Variants in EBF1 observed in about 807,000 individuals in gnomAD.
The protein encoded by EBF1 is EBF transcription factor 1, also known as transcription factor COE1.
A neutral mutation model predicts 68.4 loss-of-function variants in EBF1; 10 were observed. The observed-to-expected ratio is 0.15, with a 90% CI of 0.09 to 0.25. EBF1 has a LOEUF of 0.25. Ranked by LOEUF, EBF1 falls within the 10% of genes least tolerant of loss-of-function variation. The pLI, the probability that EBF1 is intolerant of heterozygous loss-of-function variation, is 1.00. For synonymous variants in EBF1, 298 were observed against 299.8 expected (o/e 0.99, Z 0.06); for missense variants, 509 against 794.4 (o/e 0.64, Z 4.32).
Position 159,050,191 on chromosome 5 carries a change from T to TCCTCTCCTCC in EBF1, c.554+23204_554+23205insGGAGGAGAGG, listed in dbSNP as rs1561886618. On this transcript the variant is annotated intron_variant, in intron 6 of 15. Coordinates refer to ENST00000313708, the MANE Select transcript of EBF1 (RefSeq NM_024007.5). Reference sequence around the variant, plus strand: ...CTCTCTCTCTCTCTCTTCTCTCTTTTCTCTCTCTCTCCTCTCCTCCCTCTC... The same window carrying TCCTCTCCTCC: ...CTCTCTCTCTCTCTCTTCTCTCTTTTCCTCTCCTCCCTCTCTCTCTCCTCTCCTCCCTCTC... 2.1e-3 allele frequency among the ~76,000 whole-genome samples: 300 copies of TCCTCTCCTCC among 146,052 alleles called. 1 individual carries two copies. Among genetic ancestry groups the TCCTCTCCTCC allele is most frequent in the African/African-American group, 5.3e-3 (202 of 38,338 alleles).
intron 10 of EBF1, among the ~76,000 whole-genome samples, chr5:158,771,546 G>T (rs1398032914): frequency 6.6e-6 from 1 of 152,092 alleles, no homozygotes; most frequent in Non-Finnish European, 1.5e-5. Context: ...CAAGTAAAAT[G>T]CTGAGCCAAA....
intron 4 of EBF1, among the ~76,000 whole-genome samples, chr5:159,085,199 G>C (rs1407037540): frequency 1.3e-5 from 2 of 152,192 alleles, no homozygotes; most frequent in Non-Finnish European, 2.9e-5. Context: ...TAGAAAACAA[G>C]TGTAGGTGAA....
At chr5:158,709,303 C>G (rs1758617496) in intron 14 of EBF1, among the ~76,000 whole-genome samples, 1 of 151,508 alleles carries the variant, frequency 6.6e-6, no homozygotes, top group Admixed American at 6.6e-5. Context: ...GCAATGCAAC[C>G]TTAAGTCGGG....
Position 158,774,410 on chromosome 5 carries a change from C to T in EBF1, c.1036+3003G>A, listed in dbSNP as rs73297917. ...ATTTACATCTACAAATGCCAACTCT[C>T]TCTTGCATACTTTAAAAACAGCAAT... On this transcript the variant is annotated intron_variant, in intron 10 of 15. Coordinates refer to ENST00000313708, the MANE Select transcript of EBF1 (RefSeq NM_024007.5). Among the ~76,000 whole-genome samples the T allele has an allele frequency of 8.8e-3, 1,341 of 152,022 alleles. 18 individuals are homozygous for T. Among genetic ancestry groups the T allele is most frequent in the African/African-American group, 0.031 (1,274 of 41,458 alleles).
chr5:158,748,379 G>T (rs571089645), intron 10 of EBF1, among the ~76,000 whole-genome samples: 13 of 152,162 alleles, frequency 8.5e-5, no homozygotes, highest in African/African-American at 3.1e-4. Flanking sequence ...CGGATAACAC[G>T]GGTGGAATTC....
At chr5:159,096,511 TGG>T in intron 2 of EBF1, 105 bp from the exon 3 acceptor site, 10 of 1,345,616 alleles carry the variant, frequency 7.4e-6, no homozygotes, top group Non-Finnish European at 1.0e-5. Context: ...GGACCCCCGC[TGG>T]CGAGCCAGGC....
intron 6 of EBF1, among the ~76,000 whole-genome samples, chr5:159,010,616 T>G (rs780630251): frequency 3.3e-5 from 5 of 152,234 alleles, no homozygotes; most frequent in Non-Finnish European, 5.9e-5. Flanking sequence ...AGAACTGTAT[T>G]TGTCTCCACA....
intron 8 of EBF1, among the ~76,000 whole-genome samples, chr5:158,807,236 T>G (rs1781753495): frequency 6.6e-6 from 1 of 152,026 alleles, no homozygotes; most frequent in Non-Finnish European, 1.5e-5. Context: ...CTCCAATCCC[T>G]CCAATGAGGA....
intron 6 of EBF1, among the ~76,000 whole-genome samples, chr5:158,946,621 G>A (rs374099199): frequency 2.0e-5 from 3 of 152,208 alleles, no homozygotes; most frequent in South Asian, 2.1e-4. Context: ...CGTGTCTGTC[G>A]ACCACTGCTG....
intron 6 of EBF1, among the ~76,000 whole-genome samples, chr5:158,901,630 A>G (rs1803358781): frequency 6.6e-6 from 1 of 152,278 alleles, no homozygotes; most frequent in African/African-American, 2.4e-5. Flanking sequence ...GCTAACATTT[A>G]TTAAGAGCTT....
intron 11 of EBF1, among the ~76,000 whole-genome samples, chr5:158,718,789 A>C (rs896534014): frequency 6.6e-6 from 1 of 152,004 alleles, no homozygotes; most frequent in Non-Finnish European, 1.5e-5. Context: ...TAATATCTCT[A>C]TTTCCTCTGA....
chr5:158,993,447 A>G (rs1760785154), intron 6 of EBF1, among the ~76,000 whole-genome samples: 1 of 152,170 alleles, frequency 6.6e-6, no homozygotes, highest in East Asian at 1.9e-4. Context: ...TCAAGGGGGA[A>G]AAGTTTCTTA....
At chr5:158,750,587 T>C (rs1453937462) in intron 10 of EBF1, among the ~76,000 whole-genome samples, 1 of 152,116 alleles carries the variant, frequency 6.6e-6, no homozygotes, top group Non-Finnish European at 1.5e-5. Context: ...ATACAAGAGC[T>C]TTAATATTCT....
Position 158,932,535 on chromosome 5 carries a change from C to T in EBF1, c.555-92425G>A, listed in dbSNP as rs146417803. On this transcript the variant is annotated intron_variant, in intron 6 of 15. Coordinates refer to ENST00000313708, the MANE Select transcript of EBF1 (RefSeq NM_024007.5). ...GGCAATTTTAATGTTTATCTTTATA[C>T]TTTGTAAAAAGTATTCATTTTAAAT... 3.2e-3 allele frequency among the ~76,000 whole-genome samples: 480 copies of T among 152,146 alleles called. 5 individuals carry two copies. The highest frequency in any genetic ancestry group is 0.011 in the African/African-American group (439 of 41,482).
At chr5:158,829,075 C>G (rs1786872037) in intron 7 of EBF1, among the ~76,000 whole-genome samples, 1 of 152,124 alleles carries the variant, frequency 6.6e-6, no homozygotes, top group Non-Finnish European at 1.5e-5. Flanking sequence ...ATTTTTAGAG[C>G]AGTGAAACCA....
intron 7 of EBF1, among the ~76,000 whole-genome samples, chr5:158,839,699 C>T (rs775487127): frequency 2.6e-4 from 39 of 152,126 alleles, no homozygotes; most frequent in Non-Finnish European, 5.0e-4. Context: ...CTCTTATTTA[C>T]TGGTTTTCTA....
At chr5:158,953,780 T>A (rs1252833336) in intron 6 of EBF1, among the ~76,000 whole-genome samples, 2 of 152,112 alleles carry the variant, frequency 1.3e-5, no homozygotes, top group Non-Finnish European at 2.9e-5. Flanking sequence ...AGCCCCAGAA[T>A]CAAAGAGGAG....
At chr5:159,011,143 A>C (rs1416775195) in intron 6 of EBF1, among the ~76,000 whole-genome samples, 7 of 152,172 alleles carry the variant, frequency 4.6e-5, no homozygotes, top group Admixed American at 4.6e-4. Flanking sequence ...TTCACATCTC[A>C]AGCACAACGC....
chr5:158,750,040 T>C (rs1022833624), intron 10 of EBF1, among the ~76,000 whole-genome samples: 3 of 152,118 alleles, frequency 2.0e-5, no homozygotes, highest in Non-Finnish European at 4.4e-5. Flanking sequence ...ATAACACTGG[T>C]AAATCTAACA....
Sources: allele counts gnomAD v4.1 joint callset (sites outside exome capture counted in the v4.1 genomes callset), GRCh38; gene constraint gnomAD v4.1.1; transcripts MANE v1.5; gene names NCBI Gene and HGNC (gene_info 2026-07-23, HGNC 2026-07-21).